The following SUCLG1 variants were observed in gnomAD, a reference collection of about 807,000 sequenced individuals.
SUCLG1 encodes succinate--CoA ligase [ADP/GDP-forming] subunit alpha, mitochondrial.
In SUCLG1, 26 loss-of-function variants were observed where a neutral mutation model predicts 37.3. The observed-to-expected ratio is 0.70, with a 90% confidence interval of 0.51 to 0.97. The LOEUF is 0.97. Among genes scored for constraint, SUCLG1 ranks in the 50% least tolerant of loss-of-function variants. The pLI, the probability that SUCLG1 is intolerant of heterozygous loss-of-function variation, is 0.00. For missense variants in SUCLG1, 433 were observed against 432.9 expected (o/e 1.00, Z 0.00); for synonymous variants, 163 against 155.6 (o/e 1.05, Z -0.36).
intron 4 of SUCLG1, 64 bp downstream of exon 4, chr2:84,441,183 A>C (rs1573369734): frequency 1.2e-6 from 2 of 1,612,004 alleles, no homozygotes; most frequent in East Asian, 4.5e-5. Flanking sequence ...ACTCGCATTC[A>C]CTCAAAGCTG....
intron 8 of SUCLG1, among the ~76,000 whole-genome samples, chr2:84,424,722 T>C (rs1327102830): frequency 6.6e-6 from 1 of 151,994 alleles, no homozygotes; most frequent in African/African-American, 2.4e-5. Flanking sequence ...ATAAAAATAA[T>C]GAGGGAGAGA....
chr2:84,446,076 C>T (rs1672846021), intron 2 of SUCLG1, among the ~76,000 whole-genome samples: 1 of 152,250 alleles, frequency 6.6e-6, no homozygotes, highest in Admixed American at 6.5e-5. Flanking sequence ...AAGATATCCA[C>T]TTGGTTCACT....
intron 5 of SUCLG1, among the ~76,000 whole-genome samples, chr2:84,437,680 A>C (rs1378796466): frequency 6.6e-6 from 1 of 152,260 alleles, no homozygotes; most frequent in African/African-American, 2.4e-5. Flanking sequence ...ACTAACATGC[A>C]AGTATCATAC....
Position 84,423,688 on chromosome 2 carries a change from C to T in SUCLG1, c.*58G>A. 1 of 1,535,516 alleles carries T rather than the reference C, an allele frequency of 6.5e-7. No homozygotes were observed. The highest frequency in any genetic ancestry group is 8.9e-7 in the Non-Finnish European group (1 of 1,119,510). On this transcript the variant is annotated 3_prime_UTR_variant, in exon 9 of 9. Coordinates refer to ENST00000393868, the MANE Select transcript of SUCLG1 (RefSeq NM_003849.4). ...ATCAGTGGACAACAGAAGCAAACTG[C>T]TGCTGGGTTACATGTCTACGTGATC... is the stretch of plus-strand genomic sequence containing the variant.
At chr2:84,439,494 G>A (rs923331947) in intron 5 of SUCLG1, among the ~76,000 whole-genome samples, 3 of 152,114 alleles carry the variant, frequency 2.0e-5, no homozygotes, top group African/African-American at 7.2e-5. Flanking sequence ...GGCCCCACTG[G>A]AACTCAGATG....
At chr2:84,436,777 T>G (rs897634069) in intron 5 of SUCLG1, among the ~76,000 whole-genome samples, 1 of 152,164 alleles carries the variant, frequency 6.6e-6, no homozygotes, top group Non-Finnish European at 1.5e-5. Flanking sequence ...CAATGGTGCT[T>G]GAGATTCTAT....
At chr2:84,434,692 C>G (rs1672659570) in intron 5 of SUCLG1, among the ~76,000 whole-genome samples, 1 of 152,150 alleles carries the variant, frequency 6.6e-6, no homozygotes, top group Non-Finnish European at 1.5e-5. Context: ...ATATGATCAC[C>G]CTACCAGGGC....
At chr2:84,433,467 T>C (rs1202347504) in intron 5 of SUCLG1, 32 bp from the exon 6 acceptor site, 1 of 1,578,342 alleles carries the variant, frequency 6.3e-7, no homozygotes, top group African/African-American at 1.3e-5. Flanking sequence ...AATATTAGAT[T>C]GTGTTTCTAT....
intron 8 of SUCLG1, among the ~76,000 whole-genome samples, chr2:84,424,632 G>GT (rs1324080413): frequency 6.6e-6 from 1 of 152,054 alleles, no homozygotes; most frequent in Non-Finnish European, 1.5e-5. Context: ...AAACCAACTG[G>GT]TACCTATTTT....
chr2:84,453,437 CGTT>C (rs1223716146), intron 1 of SUCLG1, among the ~76,000 whole-genome samples: 5 of 149,060 alleles, frequency 3.4e-5, no homozygotes, highest in African/African-American at 1.2e-4. Flanking sequence ...TTTTTTGAGA[CGTT>C]GTTTTACTCT....
intron 8 of SUCLG1, 46 bp downstream of exon 8, chr2:84,425,369 A>C: frequency 6.2e-7 from 1 of 1,611,552 alleles, no homozygotes; most frequent in Non-Finnish European, 8.5e-7. Flanking sequence ...CCACACACAG[A>C]GAAAGCCTGC....
At chr2:84,434,743 T>C (rs1051460759) in intron 5 of SUCLG1, among the ~76,000 whole-genome samples, 1 of 150,972 alleles carries the variant, frequency 6.6e-6, no homozygotes, top group Admixed American at 6.6e-5. Context: ...ACCATAACTA[T>C]AAGTTACCTC....
chr2:84,429,259 T>C (rs1168133717), intron 7 of SUCLG1, among the ~76,000 whole-genome samples: 5 of 152,204 alleles, frequency 3.3e-5, no homozygotes, highest in African/African-American at 1.2e-4. Context: ...TGTCTATGTT[T>C]CATTTTTCCC....
rs1285317523 is a variant in SUCLG1, at chr2:84,441,491, T to A, written c.319-32A>T. The A allele has an allele frequency of 1.9e-6, 3 of 1,601,210 alleles. No individual in the cohort carries two copies. The South Asian group carries it at 3.3e-5, about 18-fold the overall frequency. On this transcript the variant is annotated intron_variant, in intron 3 of 8. Transcript: ENST00000393868. The stretch of plus-strand genomic sequence containing the variant: ...CATTAACGACGAAGCACCTTATTAT[T>A]TGTTAAATCATAAACATTGTAAAAT...
intron 8 of SUCLG1, among the ~76,000 whole-genome samples, chr2:84,424,484 T>C (rs1026628470): frequency 4.6e-5 from 7 of 152,164 alleles, no homozygotes; most frequent in Non-Finnish European, 1.0e-4. Flanking sequence ...CTTTGGCACA[T>C]AGTGTTATAT....
intron 5 of SUCLG1, among the ~76,000 whole-genome samples, chr2:84,437,126 T>C (rs550439899): frequency 1.3e-5 from 2 of 152,308 alleles, no homozygotes; most frequent in East Asian, 3.9e-4. Flanking sequence ...ACACGGTCCC[T>C]CCCCTCTATG....
chr2:84,435,029 T>C (rs1277572852), intron 5 of SUCLG1, among the ~76,000 whole-genome samples: 1 of 152,224 alleles, frequency 6.6e-6, no homozygotes, highest in Non-Finnish European at 1.5e-5. Flanking sequence ...TCCTCGACGA[T>C]GCCTCACTTC....
chr2:84,433,240 T>G (rs1366460772), intron 6 of SUCLG1, 112 bp downstream of exon 6: 1 of 931,836 alleles, frequency 1.1e-6, no homozygotes, highest in Non-Finnish European at 1.7e-6. Flanking sequence ...GTAACATCCT[T>G]TTCATAAGAG....
chr2:84,438,812 C>T (rs941112979), intron 5 of SUCLG1, among the ~76,000 whole-genome samples: 3 of 152,184 alleles, frequency 2.0e-5, no homozygotes, highest in African/African-American at 7.2e-5. Flanking sequence ...CACCAATCAG[C>T]GCTCTGTAGC....
Sources: allele counts gnomAD v4.1 joint callset (sites outside exome capture counted in the v4.1 genomes callset), GRCh38; gene constraint gnomAD v4.1.1; transcripts MANE v1.5; gene names NCBI Gene and HGNC (gene_info 2026-07-23, HGNC 2026-07-21).